Variants in VAT1L observed in about 807,000 individuals in gnomAD.
VAT1L encodes putative NADPH-dependent quinone oxidoreductase VAT1L.
VAT1L carries 34 observed loss-of-function variants against 44.1 expected under a neutral mutation model. That is an observed-to-expected ratio of 0.77 (90% CI 0.59 to 1.03). The LOEUF (loss-of-function observed/expected upper bound fraction) is 1.03. Among genes scored for constraint, VAT1L ranks in the 50% least tolerant of loss-of-function variants. The probability of loss-of-function intolerance (pLI) is 0.00; values close to 1 mark genes in which losing one functional copy is unlikely to be tolerated. For synonymous variants in VAT1L, 253 were observed against 202.2 expected, an observed-to-expected ratio of 1.25 and a Z score of -2.13; for missense variants, 615 against 538.8, an observed-to-expected ratio of 1.14 and a Z score of -1.40.
chr16:77,880,591 A>ATTTTTTTTTTTTTTTTTTTTTTTTTTTT (rs55995217), intron 6 of VAT1L, among the ~76,000 whole-genome samples: 1 of 54,256 alleles, frequency 1.8e-5, no homozygotes, highest in Admixed American at 3.4e-4. Context: ...GTTCCAGGGT[A>ATTTTTTTTTTTTTTTTTTTTTTTTTTTT]TTTTTTTTTT....
chr16:77,964,095 T>G (rs1342233910), intron 7 of VAT1L, among the ~76,000 whole-genome samples: 1 of 152,024 alleles, frequency 6.6e-6, no homozygotes, highest in Non-Finnish European at 1.5e-5. Context: ...GAATCCCACG[T>G]GGGATTCAGA....
intron 7 of VAT1L, among the ~76,000 whole-genome samples, chr16:77,942,341 C>A (rs1421145319): frequency 1.3e-5 from 2 of 152,110 alleles, no homozygotes; most frequent in Non-Finnish European, 2.9e-5. Context: ...AGTTACCTCC[C>A]CCTGGTTCCC....
intron 7 of VAT1L, among the ~76,000 whole-genome samples, chr16:77,942,935 G>A (rs574147396): frequency 6.6e-6 from 1 of 151,640 alleles, no homozygotes; most frequent in East Asian, 1.9e-4. Flanking sequence ...AGTAGAGACA[G>A]AGTTTCATCA....
chr16:77,869,394 G>T (rs934994448), intron 4 of VAT1L, among the ~76,000 whole-genome samples: 1 of 152,226 alleles, frequency 6.6e-6, no homozygotes, highest in Non-Finnish European at 1.5e-5. Context: ...ACTCCCTTAG[G>T]CTGGATGTGG....
chr16:77,922,760 G>C (rs16946825), intron 7 of VAT1L, among the ~76,000 whole-genome samples: 1 of 152,056 alleles, frequency 6.6e-6, no homozygotes, highest in Admixed American at 6.5e-5. Context: ...GGATAAAAAC[G>C]GTGAGGAACA....
rs2018283612 is a variant in VAT1L, at chr16:77,971,993, A to C, written c.1161+60A>C. 1.3e-5 allele frequency: 19 copies of C among 1,516,670 alleles called. No individual in the cohort carries two copies. In the South Asian group the frequency reaches 2.3e-4, roughly 19 times the overall value. The allele number at this position is 1,516,670 out of a possible 1,614,324, so 94.0% of individuals were successfully genotyped here. ...CGCGAGAGAGCACCACGGGTCAATC[A>C]GATGCAGACACGGGTGGGGTAGAAG... On this transcript the variant is annotated intron_variant, in intron 8 of 8. Transcript: ENST00000302536.
At chr16:77,796,491 G>T (rs543678921) in intron 1 of VAT1L, among the ~76,000 whole-genome samples, 10 of 152,304 alleles carry the variant, frequency 6.6e-5, no homozygotes, top group African/African-American at 2.4e-4. Context: ...TAACCAATTT[G>T]GGTTCAGATC....
chr16:77,828,846 T>C (rs2016550467), intron 3 of VAT1L, among the ~76,000 whole-genome samples: 1 of 152,100 alleles, frequency 6.6e-6, no homozygotes, highest in East Asian at 1.9e-4. Flanking sequence ...TCAGAAGGAA[T>C]ACAACCCTGC....
chr16:77,797,504 C>A (rs896412304), intron 1 of VAT1L, among the ~76,000 whole-genome samples: 21 of 152,208 alleles, frequency 1.4e-4, no homozygotes, highest in Non-Finnish European at 2.6e-4. Flanking sequence ...CTCCCACCAG[C>A]CCCCTGCATC....
intron 7 of VAT1L, among the ~76,000 whole-genome samples, chr16:77,938,748 T>C (rs575274768): frequency 1.3e-5 from 2 of 152,328 alleles, no homozygotes; most frequent in Admixed American, 6.5e-5. Context: ...CTCTTTTCTT[T>C]ATAAATTACC....
At chr16:77,890,697 C>T (rs747257046) in intron 7 of VAT1L, among the ~76,000 whole-genome samples, 3 of 151,470 alleles carry the variant, frequency 2.0e-5, no homozygotes, top group Non-Finnish European at 4.4e-5. Context: ...CCAAGGTGGG[C>T]AGATTGCTTG....
intron 3 of VAT1L, 87 bp from the exon 4 acceptor site, chr16:77,862,661 A>G: frequency 1.1e-6 from 1 of 917,998 alleles, no homozygotes; most frequent in African/African-American, 1.8e-5. Flanking sequence ...AATAGTGCCG[A>G]TGGAGAAATC....
chr16:77,824,077 C>G (rs1056272671), intron 2 of VAT1L, among the ~76,000 whole-genome samples: 1 of 152,156 alleles, frequency 6.6e-6, no homozygotes, highest in African/African-American at 2.4e-5. Flanking sequence ...AATCCATTCT[C>G]CAGCCAGGCT....
intron 7 of VAT1L, among the ~76,000 whole-genome samples, chr16:77,891,111 T>C (rs1298321309): frequency 6.6e-6 from 1 of 152,062 alleles, no homozygotes; most frequent in African/African-American, 2.4e-5. Context: ...TCCCAGCACT[T>C]TGGGAGGCCG....
At chr16:77,905,572 T>A (rs1196438932) in intron 7 of VAT1L, among the ~76,000 whole-genome samples, 1 of 152,180 alleles carries the variant, frequency 6.6e-6, no homozygotes, top group Non-Finnish European at 1.5e-5. Flanking sequence ...TTTTTAAGTG[T>A]CCTCTGTTGT....
chr16:77,837,511 C>G (rs2016652360), intron 3 of VAT1L, among the ~76,000 whole-genome samples: 1 of 152,180 alleles, frequency 6.6e-6, no homozygotes, highest in African/African-American at 2.4e-5. Context: ...CCCTGTATCC[C>G]AACCACTGAT....
At chr16:77,871,849 G>GTCATT (rs2017036595) in intron 4 of VAT1L, among the ~76,000 whole-genome samples, 1 of 152,178 alleles carries the variant, frequency 6.6e-6, no homozygotes, top group Non-Finnish European at 1.5e-5. Context: ...CTCAGCTCCA[G>GTCATT]TCATTTCTGG....
intron 7 of VAT1L, among the ~76,000 whole-genome samples, chr16:77,969,712 G>A (rs1207044741): frequency 6.6e-6 from 1 of 151,982 alleles, no homozygotes; most frequent in Non-Finnish European, 1.5e-5. Context: ...CCATGTTCAC[G>A]GGGAGGGGAT....
chr16:77,860,768 ATTCT>A (rs2142441367), intron 3 of VAT1L, among the ~76,000 whole-genome samples: 1 of 152,340 alleles, frequency 6.6e-6, no homozygotes, highest in South Asian at 2.1e-4. Flanking sequence ...TATCAATGCT[ATTCT>A]TAGGACAGAA....
Sources: gnomAD v4.1 joint callset for allele counts (sites outside exome capture counted in the v4.1 genomes callset) on GRCh38, gnomAD v4.1.1 for gene constraint, MANE v1.5 for transcripts, NCBI Gene and HGNC (gene_info 2026-07-23, HGNC 2026-07-21) for gene names.